The following ZNF536 variants were observed in gnomAD, a reference collection of about 807,000 sequenced individuals.
The protein encoded by ZNF536 is zinc finger protein 536.
ZNF536 carries 13 observed loss-of-function variants against 84.5 expected under a neutral mutation model. The ratio of observed to expected loss-of-function variants is 0.15; its 90% CI spans 0.10 to 0.24. ZNF536 has a LOEUF of 0.24. ZNF536 is among the 10% of genes least tolerant of loss of function. The probability of loss-of-function intolerance (pLI) is 1.00; values close to 1 mark genes in which losing one functional copy is unlikely to be tolerated. For missense variants in ZNF536, 1,536 were observed against 1,747.5 expected (o/e 0.88, Z 2.16); for synonymous variants, 811 against 742.5 (o/e 1.09, Z -1.50).
chr19:30,584,349 G>A (rs1345049739), intron 1 of ZNF536, among the ~76,000 whole-genome samples: 1 of 152,196 alleles, frequency 6.6e-6, no homozygotes, highest in African/African-American at 2.4e-5. Context: ...GCAGCGGGAG[G>A]ATAAGGGATC....
intron 1 of ZNF536, chr19:30,665,578 G>A (rs566977139): frequency 6.6e-6 from 1 of 152,302 alleles, no homozygotes; most frequent in South Asian, 2.1e-4. Flanking sequence ...TTTCCTGAAA[G>A]TGGCTCCTGA....
intron 1 of ZNF536, among the ~76,000 whole-genome samples, chr19:30,424,975 C>T (rs545790378): frequency 3.3e-5 from 5 of 152,094 alleles, no homozygotes; most frequent in South Asian, 2.1e-4. Flanking sequence ...CAGGGGTGTG[C>T]GTGGAGCCTT....
At chr19:30,623,039 TG>T (rs1397916948) in intron 1 of ZNF536, among the ~76,000 whole-genome samples, 21 of 143,034 alleles carry the variant, frequency 1.5e-4, no homozygotes, top group East Asian at 9.8e-4. Context: ...TTTGTTTTTT[TG>T]TTTTTTTGTT....
intron 1 of ZNF536, among the ~76,000 whole-genome samples, chr19:30,661,836 A>G (rs2050132153): frequency 6.6e-6 from 1 of 152,216 alleles, no homozygotes; most frequent in African/African-American, 2.4e-5. Flanking sequence ...TGAAGCATAC[A>G]TTGTATAAAA....
At chr19:30,435,442 G>T (rs1181848488) in intron 1 of ZNF536, among the ~76,000 whole-genome samples, 2 of 151,408 alleles carry the variant, frequency 1.3e-5, no homozygotes, top group African/African-American at 4.9e-5. Flanking sequence ...GATGATGTTG[G>T]TGAAGATGAT....
chr19:30,298,413 G>C (rs1219649555), intron 2 of ZNF536, among the ~76,000 whole-genome samples: 2 of 152,180 alleles, frequency 1.3e-5, no homozygotes, highest in African/African-American at 2.4e-5. Context: ...TTGCCATACA[G>C]TGCAGAGGAT....
intron 3 of ZNF536, among the ~76,000 whole-genome samples, chr19:30,361,929 C>T (rs1356349239): frequency 6.6e-6 from 1 of 152,088 alleles, no homozygotes; most frequent in Non-Finnish European, 1.5e-5. Context: ...CTTCAGAGGT[C>T]GAGAGCTGTG....
chr19:30,436,000 G>A (rs1274023182), intron 1 of ZNF536, among the ~76,000 whole-genome samples: 3 of 152,118 alleles, frequency 2.0e-5, no homozygotes, highest in Non-Finnish European at 4.4e-5. Flanking sequence ...AAGTTTCCAG[G>A]GAGAAGACAT....
At chr19:30,708,048 C>T (rs899514625) in intron 1 of ZNF536, among the ~76,000 whole-genome samples, 2 of 151,474 alleles carry the variant, frequency 1.3e-5, no homozygotes, top group Non-Finnish European at 2.9e-5. Flanking sequence ...TGTATAATTC[C>T]TTAGAAAAAG....
chr19:30,606,156 AAAATAAAATAAAAT>A (rs1480584167), intron 1 of ZNF536, among the ~76,000 whole-genome samples: 3 of 117,798 alleles, frequency 2.5e-5, no homozygotes, highest in Middle Eastern at 4.2e-3. Flanking sequence ...CTCATCTCTA[AAAATAAAATAAAAT>A]AAATAAAATA....
chr19:30,265,119 G>A (rs1053969273), intron 1 of ZNF536, among the ~76,000 whole-genome samples: 2 of 151,854 alleles, frequency 1.3e-5, no homozygotes, highest in Non-Finnish European at 2.9e-5. Flanking sequence ...GTGCCTTCAG[G>A]GTGCTGGCTC....
chr19:30,565,431 G>A (rs1167805893), intron 1 of ZNF536, among the ~76,000 whole-genome samples: 2 of 152,148 alleles, frequency 1.3e-5, no homozygotes, highest in Non-Finnish European at 2.9e-5. Context: ...AAGCCCGCAG[G>A]TCTGCCAGGC....
chr19:30,704,243 T>C (rs561727895), intron 1 of ZNF536, among the ~76,000 whole-genome samples: 1 of 152,182 alleles, frequency 6.6e-6, no homozygotes, highest in South Asian at 2.1e-4. Context: ...TTCTGCATCT[T>C]CAACATTGAT....
chr19:30,549,861 G>A (rs913463488), intron 4 of ZNF536, among the ~76,000 whole-genome samples: 5 of 152,162 alleles, frequency 3.3e-5, no homozygotes, highest in African/African-American at 1.2e-4. Flanking sequence ...AAGAGACATG[G>A]TAACTTGCAA....
In ZNF536 at chr19:30,337,325, T is replaced by C. The variant is rs115576494; in HGVS notation, c.-119-15043T>C. Among the ~76,000 whole-genome samples the C allele has an allele frequency of 8.6e-3, 1,309 of 152,208 alleles. 27 individuals are homozygous for C. Among genetic ancestry groups the C allele is most frequent in the African/African-American group, 0.03 (1,245 of 41,524 alleles). ...AACTTCTGCTAAATATGGTCAGTGTTTGTAGTAGCTCCCACCACCGTCTGT... is the reference window on the plus strand; with the variant it reads ...AACTTCTGCTAAATATGGTCAGTGTCTGTAGTAGCTCCCACCACCGTCTGT... On this transcript the variant is annotated intron_variant, in intron 2 of 5. Coordinates refer to the ZNF536 transcript ENST00000585628.
chr19:30,392,421 A>G (rs2049633567), intron 1 of ZNF536, among the ~76,000 whole-genome samples: 1 of 152,226 alleles, frequency 6.6e-6, no homozygotes, highest in South Asian at 2.1e-4. Flanking sequence ...ACGCCAGGGT[A>G]GCCAGAGAAG....
chr19:30,561,423 C>T (rs147620237), downstream of ZNF536, among the ~76,000 whole-genome samples: 5 of 152,224 alleles, frequency 3.3e-5, no homozygotes, highest in Non-Finnish European at 7.4e-5. Context: ...GTAGAGGGGT[C>T]GTTAGTCCTC....
upstream of ZNF536, among the ~76,000 whole-genome samples, chr19:30,226,482 G>A (rs1722421799): frequency 6.6e-6 from 1 of 151,568 alleles, no homozygotes; most frequent in Admixed American, 6.6e-5. The surrounding 1 kb of genome is among the most constrained non-coding windows in gnomAD (Gnocchi z 4.6). Context: ...CTGCCATTTT[G>A]TGATTGCATC....
intron 2 of ZNF536, among the ~76,000 whole-genome samples, chr19:30,473,745 C>T (rs987952913): frequency 4.6e-5 from 7 of 152,190 alleles, no homozygotes; most frequent in Non-Finnish European, 2.9e-5. Flanking sequence ...GGAGACGTCC[C>T]GCCCATCCTG....
Sources: allele counts gnomAD v4.1 joint callset (sites outside exome capture counted in the v4.1 genomes callset), GRCh38; gene constraint gnomAD v4.1.1; non-coding constraint Gnocchi (gnomAD v3.1); transcripts MANE v1.5; gene names NCBI Gene and HGNC (gene_info 2026-07-23, HGNC 2026-07-21).